Variants in THSD7B observed in about 807,000 individuals in gnomAD.
THSD7B encodes thrombospondin type-1 domain-containing protein 7B.
Under a neutral mutation model 213.6 loss-of-function variants are expected in THSD7B, and 138 were observed. The observed-to-expected ratio is 0.65, with a 90% CI of 0.56 to 0.74. The LOEUF is 0.74. THSD7B is among the 30% of genes least tolerant of loss of function. The pLI is 0.00. For synonymous variants in THSD7B, 742 were observed against 687.0 expected, an observed-to-expected ratio of 1.08 and a Z score of -1.25; for missense variants, 1,931 against 1,991.5, an observed-to-expected ratio of 0.97 and a Z score of 0.58.
intron 5 of THSD7B, among the ~76,000 whole-genome samples, chr2:137,153,755 G>T (rs1679858393): frequency 6.6e-6 from 1 of 152,100 alleles, no homozygotes; most frequent in African/African-American, 2.4e-5. Context: ...ATTTATTTTA[G>T]CAGGAGGTAG....
chr2:137,478,476 C>A (rs1316167997), intron 15 of THSD7B, among the ~76,000 whole-genome samples: 1 of 151,908 alleles, frequency 6.6e-6, no homozygotes, highest in Non-Finnish European at 1.5e-5. Context: ...AATTGTTTTT[C>A]TGATTTTCTT....
chr2:137,245,772 G>A (rs1682017753), intron 10 of THSD7B, among the ~76,000 whole-genome samples: 1 of 152,130 alleles, frequency 6.6e-6, no homozygotes, highest in African/African-American at 2.4e-5. Context: ...ATAGAGGAGT[G>A]CGGATTAAAA....
chr2:137,638,418 A>G (rs1430089719), intron 20 of THSD7B, among the ~76,000 whole-genome samples: 1 of 151,962 alleles, frequency 6.6e-6, no homozygotes, highest in Non-Finnish European at 1.5e-5. Context: ...TTCACCTCCC[A>G]CCATGATTCT....
At chr2:136,775,865 G>A (rs768090480) in intron 1 of THSD7B, among the ~76,000 whole-genome samples, 8 of 152,108 alleles carry the variant, frequency 5.3e-5, no homozygotes, top group Non-Finnish European at 1.0e-4. Context: ...ACCCGTGGGG[G>A]CATCAGATCA....
At chr2:137,370,430 G>T (rs1392406094) in intron 12 of THSD7B, among the ~76,000 whole-genome samples, 1 of 151,968 alleles carries the variant, frequency 6.6e-6, no homozygotes, top group Non-Finnish European at 1.5e-5. Context: ...TTATATTTCA[G>T]ATTTAACCAT....
At chr2:137,414,038 A>C (rs974298517) in intron 14 of THSD7B, among the ~76,000 whole-genome samples, 4 of 152,194 alleles carry the variant, frequency 2.6e-5, no homozygotes, top group African/African-American at 7.2e-5. Context: ...GTAATTTTGC[A>C]TGAATTTGTG....
At chr2:136,928,152 T>C (rs1320826518) in intron 2 of THSD7B, among the ~76,000 whole-genome samples, 3 of 152,184 alleles carry the variant, frequency 2.0e-5, no homozygotes, top group Non-Finnish European at 4.4e-5. Flanking sequence ...CTACCAAACA[T>C]CATAGCTTAG....
chr2:137,033,665 C>T (rs1357533661), intron 2 of THSD7B, among the ~76,000 whole-genome samples: 2 of 151,920 alleles, frequency 1.3e-5, no homozygotes, highest in African/African-American at 4.8e-5. Context: ...AGACCTGGAG[C>T]GCAGTGGCAC....
At chr2:137,314,380 G>A (rs1573955159) in intron 12 of THSD7B, among the ~76,000 whole-genome samples, 2 of 152,104 alleles carry the variant, frequency 1.3e-5, no homozygotes, top group Non-Finnish European at 2.9e-5. Context: ...GCACTTCTCT[G>A]TATTGGTTAT....
chr2:137,191,833 G>C (rs935002771), intron 7 of THSD7B, among the ~76,000 whole-genome samples: 1 of 152,044 alleles, frequency 6.6e-6, no homozygotes, highest in African/African-American at 2.4e-5. Context: ...TGTCACTTTG[G>C]TGTGAGCATT....
At chr2:137,247,390 A>G (rs1682063612) in intron 10 of THSD7B, among the ~76,000 whole-genome samples, 1 of 152,194 alleles carries the variant, frequency 6.6e-6, no homozygotes, top group African/African-American at 2.4e-5. Flanking sequence ...CTATACATTA[A>G]TCCCCACTTC....
intron 12 of THSD7B, among the ~76,000 whole-genome samples, chr2:137,368,298 T>C (rs1685465834): frequency 6.6e-6 from 1 of 152,082 alleles, no homozygotes; most frequent in Admixed American, 6.6e-5. Context: ...ACTCTGAAAT[T>C]TCCTATCAAA....
chr2:137,619,478 G>A (rs1263724048), intron 19 of THSD7B, among the ~76,000 whole-genome samples: 1 of 152,158 alleles, frequency 6.6e-6, no homozygotes, highest in African/African-American at 2.4e-5. Flanking sequence ...TCTCCATTTG[G>A]TCAAATTCTG....
In THSD7B at chr2:137,115,220, C is replaced by T. The variant is rs754948924; in HGVS notation, c.1296C>T (p.Gly432=). The T allele has an allele frequency of 6.4e-5, 104 of 1,613,594 alleles. No homozygotes were observed. The highest frequency in any genetic ancestry group is 8.3e-5 in the Non-Finnish European group (98 of 1,179,696). ...GGCATGTGACGGGACCCGTGTGTGG[C>T]GGTGGGATCCAGACCCGGGAGGTGT... is the stretch of plus-strand genomic sequence containing the variant. ...PHWHVTGPVC[G]GGIQTREVYC... Residue 432 remains glycine, a synonymous_variant, in exon 5 of 28, where the codon GGC becomes GGT. Coordinates refer to ENST00000409968, the MANE Select transcript of THSD7B (RefSeq NM_001316349.2).
chr2:136,807,492 G>C (rs1682302266), intron 1 of THSD7B, among the ~76,000 whole-genome samples: 1 of 136,456 alleles, frequency 7.3e-6, no homozygotes, highest in Admixed American at 7.4e-5. Flanking sequence ...TTACTTCCTA[G>C]CACTACAAAA....
At chr2:137,544,654 A>G (rs1680673898) in intron 15 of THSD7B, among the ~76,000 whole-genome samples, 2 of 151,850 alleles carry the variant, frequency 1.3e-5, no homozygotes, top group Non-Finnish European at 2.9e-5. Flanking sequence ...TTTTTAATGA[A>G]GAGTGATTTT....
At chr2:137,128,057 TTTC>T (rs1688659536) in intron 5 of THSD7B, among the ~76,000 whole-genome samples, 1 of 152,190 alleles carries the variant, frequency 6.6e-6, no homozygotes, top group African/African-American at 2.4e-5. Context: ...AATATTTTCT[TTTC>T]TTATTACTGG....
At chr2:136,827,627 G>A (rs1277983460) in intron 1 of THSD7B, among the ~76,000 whole-genome samples, 2 of 152,170 alleles carry the variant, frequency 1.3e-5, no homozygotes, top group Non-Finnish European at 2.9e-5. Context: ...CAAGGCAGAA[G>A]CTCTTCAGTG....
At chr2:137,171,848 A>G (rs891060876) in intron 7 of THSD7B, among the ~76,000 whole-genome samples, 1 of 151,304 alleles carries the variant, frequency 6.6e-6, no homozygotes, top group African/African-American at 2.4e-5. Context: ...TCCTTTCTTC[A>G]TTTCTTTTCA....
Sources: allele counts gnomAD v4.1 joint callset (sites outside exome capture counted in the v4.1 genomes callset), GRCh38; gene constraint gnomAD v4.1.1; transcripts MANE v1.5; gene names NCBI Gene and HGNC (gene_info 2026-07-23, HGNC 2026-07-21).